EYA1: variants seen among roughly 807,000 people sequenced by gnomAD.
EYA1 encodes protein phosphatase EYA1.
In EYA1, 16 loss-of-function variants were observed where a neutral mutation model predicts 82.0. The ratio of observed to expected loss-of-function variants is 0.20; its 90% CI spans 0.13 to 0.30. The LOEUF is 0.30. Ranked by LOEUF, EYA1 falls within the 10% of genes least tolerant of loss-of-function variation. EYA1 has a pLI of 1.00. For missense variants in EYA1, 633 were observed against 730.7 expected, an observed-to-expected ratio of 0.87 and a Z score of 1.54; for synonymous variants, 261 against 264.4, an observed-to-expected ratio of 0.99 and a Z score of 0.12.
chr8:71,353,231 T>C (rs1468146489), intron 3 of EYA1, among the ~76,000 whole-genome samples: 1 of 152,182 alleles, frequency 6.6e-6, no homozygotes. Flanking sequence ...CGCAGGGACC[T>C]GCGGCAGTCT....
Position 71,216,835 on chromosome 8 carries a change from G to A in EYA1, c.1217C>T (p.Thr406Ile). 6.2e-7 allele frequency: 1 copy of A among 1,614,120 alleles called. No individual in the cohort carries two copies. The highest frequency in any genetic ancestry group is 8.5e-7 in the Non-Finnish European group (1 of 1,180,012). The change falls in exon 14 of 18, where the codon ACA (threonine) becomes ATA (isoleucine). Residue 406 changes from threonine to isoleucine, a missense_variant. Coordinates refer to ENST00000340726, the MANE Select transcript of EYA1 (RefSeq NM_000503.6). ...GGTTGCTGCAGCAGGAAAGCCATCT[G>A]TTCCAAAGTTATATGTGCTATTTAT... ...GQDLSTYNFG[T>I]DGFPAAATSA...
At chr8:71,255,522 C>A (rs1814301492) in intron 11 of EYA1, among the ~76,000 whole-genome samples, 1 of 152,090 alleles carries the variant, frequency 6.6e-6, no homozygotes, top group Admixed American at 6.6e-5. Flanking sequence ...ACAAACGGTG[C>A]TGGGGAAACT....
At chr8:71,326,378 C>A (rs1823146498) in intron 4 of EYA1, among the ~76,000 whole-genome samples, 1 of 152,082 alleles carries the variant, frequency 6.6e-6, no homozygotes, top group Non-Finnish European at 1.5e-5. Flanking sequence ...TCTGTTTTCC[C>A]AACAAAATAT....
intron 2 of EYA1, among the ~76,000 whole-genome samples, chr8:71,462,530 G>A (rs531358177): frequency 1.7e-4 from 26 of 152,200 alleles, no homozygotes; most frequent in Non-Finnish European, 3.4e-4. Context: ...ACTCTCACCC[G>A]CTCTGTGGAG....
chr8:71,435,103 T>G (rs990691921), intron 2 of EYA1, among the ~76,000 whole-genome samples: 2 of 152,136 alleles, frequency 1.3e-5, no homozygotes, highest in African/African-American at 4.8e-5. Context: ...TTTCTATCTA[T>G]CCAACTCCTA....
intron 3 of EYA1, among the ~76,000 whole-genome samples, chr8:71,340,417 T>C (rs907871385): frequency 1.1e-4 from 16 of 152,326 alleles, no homozygotes; most frequent in African/African-American, 3.1e-4. Flanking sequence ...TAAAGAACCA[T>C]ATATCCATAA....
chr8:71,523,930 G>T (rs1175297602), intron 2 of EYA1, among the ~76,000 whole-genome samples: 2 of 152,132 alleles, frequency 1.3e-5, no homozygotes, highest in Non-Finnish European at 2.9e-5. Context: ...TTAAAATACA[G>T]ATCTGATTTT....
intron 1 of EYA1, among the ~76,000 whole-genome samples, chr8:71,536,585 T>A (rs1814733404): frequency 6.6e-6 from 1 of 152,370 alleles, no homozygotes; most frequent in Middle Eastern, 3.4e-3. Context: ...CATGCTCAAA[T>A]GAGGTACTCA....
intron 4 of EYA1, among the ~76,000 whole-genome samples, chr8:71,330,222 C>T (rs1193359828): frequency 6.6e-6 from 1 of 152,142 alleles, no homozygotes; most frequent in Admixed American, 6.5e-5. Context: ...ATAGGAACTC[C>T]CTCAACATAC....
At chr8:71,346,448 A>ATATC (rs1554561620) in intron 3 of EYA1, among the ~76,000 whole-genome samples, 5 of 135,300 alleles carry the variant, frequency 3.7e-5, no homozygotes, top group African/African-American at 1.5e-4. Flanking sequence ...ATATATATAT[A>ATATC]TATATATCTA....
At position 71,215,518 on chromosome 8, in the gene EYA1, C is replaced by T. The variant is rs1809072415; in HGVS notation, c.1476-10G>A. 1.2e-6 allele frequency: 2 copies of T among 1,613,358 alleles called. No individual in the cohort carries two copies. Among genetic ancestry groups the T allele is most frequent in the African/African-American group, 1.3e-5 (1 of 74,986 alleles). The stretch of plus-strand genomic sequence containing the variant: ...ATTCACACAGTTTGTCCTATGAGAA[C>T]AAAAAGAAAACAAAGACTGTTGAAA... On this transcript the variant is annotated splice_polypyrimidine_tract_variant and intron_variant, in intron 15 of 17. Coordinates refer to ENST00000340726, the MANE Select transcript of EYA1 (RefSeq NM_000503.6).
chr8:71,379,399 G>C (rs1828564687), intron 2 of EYA1, among the ~76,000 whole-genome samples: 1 of 152,174 alleles, frequency 6.6e-6, no homozygotes, highest in East Asian at 1.9e-4. Context: ...TTACCCCAGG[G>C]AGAGGGATGA....
chr8:71,377,963 A>G (rs922384537), intron 2 of EYA1, among the ~76,000 whole-genome samples: 4 of 151,768 alleles, frequency 2.6e-5, no homozygotes, highest in Non-Finnish European at 5.9e-5. Flanking sequence ...TTATTCTTCC[A>G]TCTTGGTCTC....
chr8:71,356,336 C>G, intron 2 of EYA1, 126 bp downstream of exon 2: 1 of 778,528 alleles, frequency 1.3e-6, no homozygotes, highest in South Asian at 1.9e-5. Flanking sequence ...CACACACAAA[C>G]TGTTAAGTAA....
chr8:71,503,712 A>G (rs1811986573), intron 2 of EYA1, among the ~76,000 whole-genome samples: 1 of 152,198 alleles, frequency 6.6e-6, no homozygotes, highest in Non-Finnish European at 1.5e-5. Flanking sequence ...AGCAGGTACT[A>G]CATTCTCTCA....
chr8:71,245,649 C>T (rs556256640), intron 11 of EYA1, among the ~76,000 whole-genome samples: 5 of 152,118 alleles, frequency 3.3e-5, no homozygotes, highest in Admixed American at 6.5e-5. Context: ...ATTGGACAGC[C>T]CTGCACTATA....
chr8:71,511,652 A>T (rs764820745), intron 2 of EYA1, among the ~76,000 whole-genome samples: 1 of 152,170 alleles, frequency 6.6e-6, no homozygotes, highest in Non-Finnish European at 1.5e-5. Context: ...CACGTGGAGA[A>T]GAGAGGTGCC....
intron 3 of EYA1, among the ~76,000 whole-genome samples, chr8:71,337,549 A>G (rs1824642209): frequency 6.6e-6 from 1 of 152,136 alleles, no homozygotes; most frequent in African/African-American, 2.4e-5. Flanking sequence ...AATGCCTTTG[A>G]GTTTTGGTCT....
chr8:71,311,713 G>C (rs1185077895), intron 7 of EYA1, among the ~76,000 whole-genome samples: 21 of 152,232 alleles, frequency 1.4e-4, no homozygotes, highest in Non-Finnish European at 2.9e-5. Flanking sequence ...GTCTTTCTCA[G>C]CTGAACTTAA....
Sources: gnomAD v4.1 joint callset for allele counts (sites outside exome capture counted in the v4.1 genomes callset) on GRCh38, gnomAD v4.1.1 for gene constraint, MANE v1.5 for transcripts, NCBI Gene and HGNC (gene_info 2026-07-23, HGNC 2026-07-21) for gene names.